Variants in ADGRL4 observed in about 807,000 individuals in gnomAD.
ADGRL4 encodes the protein adhesion G protein-coupled receptor L4, also known as EGF, latrophilin and seven transmembrane domain containing 1.
ADGRL4 carries 90 observed loss-of-function variants against 74.8 expected under a neutral mutation model. That is an observed-to-expected ratio of 1.20 (90% CI 1.02 to 1.43). ADGRL4 has a LOEUF of 1.43. ADGRL4 is among the 40% of genes most tolerant of loss of function. The pLI is 0.00. For synonymous variants in ADGRL4, 311 were observed against 279.2 expected, an observed-to-expected ratio of 1.11 and a Z score of -1.14; for missense variants, 881 against 814.3, an observed-to-expected ratio of 1.08 and a Z score of -1.00.
chr1:78,897,662 T>G (rs568927410), intron 12 of ADGRL4, among the ~76,000 whole-genome samples: 2 of 152,208 alleles, frequency 1.3e-5, no homozygotes, highest in East Asian at 3.9e-4. Context: ...GAATAATAAC[T>G]TTTGCCAGAA....
At chr1:78,982,437 G>T (rs1308295046) in intron 2 of ADGRL4, among the ~76,000 whole-genome samples, 1 of 151,842 alleles carries the variant, frequency 6.6e-6, no homozygotes, top group Non-Finnish European at 1.5e-5. Context: ...TCACAAAAGA[G>T]AAAAAGTACA....
chr1:78,911,899 G>C (rs150835341), intron 12 of ADGRL4, among the ~76,000 whole-genome samples: 1 of 151,808 alleles, frequency 6.6e-6, no homozygotes, highest in African/African-American at 2.4e-5. Context: ...CCAAGGCTAG[G>C]CGTAGAAAAA....
intron 7 of ADGRL4, among the ~76,000 whole-genome samples, chr1:78,933,019 T>C (rs7524049): frequency 0.48 from 73,005 of 151,034 alleles, 18,580 homozygotes; most frequent in Middle Eastern, 0.56. Flanking sequence ...GCTGGTGTTA[T>C]TCCTTTTGAA....
intron 12 of ADGRL4, among the ~76,000 whole-genome samples, chr1:78,899,232 C>G (rs915370156): frequency 1.3e-5 from 2 of 152,156 alleles, no homozygotes; most frequent in African/African-American, 4.8e-5. Context: ...GTCAACTGGC[C>G]TAGGACAGAC....
intron 2 of ADGRL4, among the ~76,000 whole-genome samples, chr1:78,965,984 A>G (rs941786968): frequency 2.0e-5 from 3 of 150,048 alleles, no homozygotes; most frequent in African/African-American, 7.4e-5. Flanking sequence ...TGATGATAGG[A>G]CAGAACCAAA....
chr1:78,996,915 A>G (rs557231596), intron 2 of ADGRL4, among the ~76,000 whole-genome samples: 150 of 152,340 alleles, frequency 9.8e-4, no homozygotes, highest in African/African-American at 3.5e-3. Context: ...AACACAGGGA[A>G]GAGATGATTA....
intron 2 of ADGRL4, among the ~76,000 whole-genome samples, chr1:78,985,722 G>T (rs548294165): frequency 6.6e-6 from 1 of 151,730 alleles, no homozygotes; most frequent in Non-Finnish European, 1.5e-5. Flanking sequence ...ACATGCATGC[G>T]TATGTTTATC....
chr1:78,927,115 A>G (rs1649133995), intron 7 of ADGRL4, 24 bp from the exon 8 acceptor site: 1 of 1,445,890 alleles, frequency 6.9e-7, no homozygotes, highest in African/African-American at 1.4e-5. Context: ...AAGTATATTT[A>G]GTGAAATTCT....
intron 3 of ADGRL4, among the ~76,000 whole-genome samples, chr1:78,943,330 C>T (rs1649530724): frequency 6.6e-6 from 1 of 152,170 alleles, no homozygotes; most frequent in Admixed American, 6.5e-5. Flanking sequence ...GCCTCAGCTT[C>T]CCCTTGTGAA....
intron 2 of ADGRL4, among the ~76,000 whole-genome samples, chr1:78,996,651 T>C (rs886175431): frequency 6.6e-6 from 1 of 152,180 alleles, no homozygotes; most frequent in Non-Finnish European, 1.5e-5. Flanking sequence ...TAGATGAATA[T>C]TAGGCCTTCC....
chr1:78,937,236 G>C (rs35977160), intron 6 of ADGRL4, among the ~76,000 whole-genome samples: 26,451 of 152,128 alleles, frequency 0.17, 2,478 homozygotes, highest in Admixed American at 0.25. Context: ...CTTGAGGCCA[G>C]GGGTTCGAGA....
chr1:78,925,713 A>G (rs1173927215), intron 8 of ADGRL4, among the ~76,000 whole-genome samples: 38 of 152,030 alleles, frequency 2.5e-4, no homozygotes, highest in Non-Finnish European at 1.5e-5. Context: ...AAAGCAACTA[A>G]GTTTTCCCAG....
intron 2 of ADGRL4, among the ~76,000 whole-genome samples, chr1:78,954,846 T>C (rs1417952358): frequency 6.6e-6 from 1 of 152,100 alleles, no homozygotes; most frequent in Non-Finnish European, 1.5e-5. Context: ...CAATAATAGC[T>C]AAGTATTTTA....
In ADGRL4 at chr1:78,939,270, G is replaced by C. The variant is rs1557505504; in HGVS notation, c.326-12C>G. The stretch of plus-strand genomic sequence containing the variant: ...TGCATTCACATTTTCTGTAAAAAAA[G>C]AAAATAGATTATACAGTCAGTTTTA... On this transcript the variant is annotated splice_polypyrimidine_tract_variant and intron_variant, in intron 3 of 14. Transcript: ENST00000370742. The C allele has an allele frequency of 6.4e-7, 1 of 1,557,082 alleles. No homozygotes were observed.
At chr1:78,975,636 T>C (rs926009203) in intron 2 of ADGRL4, among the ~76,000 whole-genome samples, 13 of 151,924 alleles carry the variant, frequency 8.6e-5, no homozygotes, top group African/African-American at 3.1e-4. Flanking sequence ...TTTACATGAA[T>C]TGTTATATAT....
At chr1:78,950,254 G>A (rs1248471791) in intron 2 of ADGRL4, among the ~76,000 whole-genome samples, 2 of 152,108 alleles carry the variant, frequency 1.3e-5, no homozygotes, top group Admixed American at 1.3e-4. Context: ...GGCAAAGGAA[G>A]AAGTTTACCT....
At chr1:78,960,537 T>C (rs1462890979) in intron 2 of ADGRL4, among the ~76,000 whole-genome samples, 1 of 152,168 alleles carries the variant, frequency 6.6e-6, no homozygotes, top group Middle Eastern at 3.2e-3. Context: ...GAGTAAGGCA[T>C]GGAGTTACGA....
At chr1:78,935,624 A>G (rs1649337552) in intron 7 of ADGRL4, among the ~76,000 whole-genome samples, 2 of 152,150 alleles carry the variant, frequency 1.3e-5, no homozygotes, top group South Asian at 4.1e-4. Flanking sequence ...ATGATGGATT[A>G]TTGAGGAAGA....
At chr1:78,906,685 A>G (rs1020087591) in intron 12 of ADGRL4, among the ~76,000 whole-genome samples, 1 of 152,062 alleles carries the variant, frequency 6.6e-6, no homozygotes, top group Non-Finnish European at 1.5e-5. Flanking sequence ...GAAAACAAGA[A>G]CAGAGGTTAG....
Sources: allele counts gnomAD v4.1 joint callset (sites outside exome capture counted in the v4.1 genomes callset), GRCh38; gene constraint gnomAD v4.1.1; transcripts MANE v1.5; gene names NCBI Gene and HGNC (gene_info 2026-07-23, HGNC 2026-07-21).